Variants in GPHN observed in about 807,000 individuals in gnomAD.
The protein encoded by GPHN is gephyrin.
GPHN carries 17 observed loss-of-function variants against 95.5 expected under a neutral mutation model. The observed-to-expected ratio is 0.18, with a 90% CI of 0.12 to 0.27. GPHN has a LOEUF of 0.27. Ranked by LOEUF, GPHN falls within the 10% of genes least tolerant of loss-of-function variation. GPHN has a pLI of 1.00. For synonymous variants in GPHN, 320 were observed against 322.5 expected (o/e 0.99, Z 0.08); for missense variants, 660 against 978.1 (o/e 0.67, Z 4.34).
chr14:67,187,966 G>A, the GPHN span, among the ~76,000 whole-genome samples: 1 of 152,134 alleles, frequency 6.6e-6, no homozygotes, highest in Non-Finnish European at 1.5e-5. Context: ...TGAGTGCAGA[G>A]ACTGTTCACC....
intron 4 of GPHN, among the ~76,000 whole-genome samples, chr14:66,834,503 T>C (rs766010923): frequency 6.6e-6 from 1 of 152,158 alleles, no homozygotes; most frequent in Non-Finnish European, 1.5e-5. Context: ...TCTGCATGTA[T>C]TGAGATAATC....
chr14:67,360,865 A>C, the GPHN span: 1 of 152,146 alleles, frequency 6.6e-6, no homozygotes, highest in African/African-American at 2.4e-5. Context: ...CCGCCCCAAC[A>C]GCTCTACCAA....
At chr14:67,526,343 C>T in the GPHN span, among the ~76,000 whole-genome samples, 1 of 152,214 alleles carries the variant, frequency 6.6e-6, no homozygotes, top group East Asian at 1.9e-4. Context: ...CTTCCTGTCC[C>T]CTGCCCGTGT....
chr14:66,938,923 G>C (rs189930498), intron 8 of GPHN, among the ~76,000 whole-genome samples: 7 of 152,270 alleles, frequency 4.6e-5, no homozygotes, highest in Non-Finnish European at 1.0e-4. Flanking sequence ...TTTGACCAGG[G>C]AACCAAGACC....
At chr14:67,438,258 T>A in the GPHN span, among the ~76,000 whole-genome samples, 3 of 152,086 alleles carry the variant, frequency 2.0e-5, no homozygotes, top group Non-Finnish European at 4.4e-5. Flanking sequence ...GTCTAGAAGG[T>A]GGGGTGATCA....
chr14:66,827,866 G>A (rs1255646064), intron 4 of GPHN, among the ~76,000 whole-genome samples: 1 of 151,774 alleles, frequency 6.6e-6, no homozygotes, highest in African/African-American at 2.4e-5. Flanking sequence ...GGCACTACTA[G>A]TTGACAAGTG....
chr14:66,562,612 A>C (rs2060307827), intron 1 of GPHN, among the ~76,000 whole-genome samples: 1 of 152,132 alleles, frequency 6.6e-6, no homozygotes. Context: ...TTAACCAAAG[A>C]ATAATTTTGT....
the GPHN span, among the ~76,000 whole-genome samples, chr14:67,394,144 T>A: frequency 6.6e-6 from 1 of 152,152 alleles, no homozygotes; most frequent in Admixed American, 6.5e-5. Context: ...CAGACATTTC[T>A]TTTCTTCTCC....
At chr14:67,222,628 A>C in the GPHN span, among the ~76,000 whole-genome samples, 1 of 152,074 alleles carries the variant, frequency 6.6e-6, no homozygotes, top group African/African-American at 2.4e-5. Flanking sequence ...TTTTCTTTAT[A>C]TATTGCCATG....
At chr14:66,805,612 G>T (rs2060512901) in intron 3 of GPHN, among the ~76,000 whole-genome samples, 1 of 152,152 alleles carries the variant, frequency 6.6e-6, no homozygotes, top group South Asian at 2.1e-4. Flanking sequence ...TTCCAAATGG[G>T]GAAAATTGGC....
At chr14:67,315,853 A>G in the GPHN span, among the ~76,000 whole-genome samples, 2 of 152,236 alleles carry the variant, frequency 1.3e-5, no homozygotes, top group African/African-American at 4.8e-5. Context: ...TGAACCTGGA[A>G]GGCGGAGGTT....
At chr14:67,156,390 G>A (rs1411038478) in intron 18 of GPHN, among the ~76,000 whole-genome samples, 1 of 152,024 alleles carries the variant, frequency 6.6e-6, no homozygotes, top group Non-Finnish European at 1.5e-5. Flanking sequence ...AGGTAGAAAG[G>A]CATAAATTGA....
intron 18 of GPHN, among the ~76,000 whole-genome samples, chr14:67,159,098 G>A (rs1437387738): frequency 6.6e-6 from 1 of 152,122 alleles, no homozygotes; most frequent in Non-Finnish European, 1.5e-5. Context: ...TAATGTAGTT[G>A]TTTTGTTTTT....
At position 66,695,136 on chromosome 14, in the gene GPHN, G is replaced by C. The variant is rs990948296; in HGVS notation, c.143+13951G>C. Among the ~76,000 whole-genome samples the C allele has an allele frequency of 7.2e-5, 11 of 151,760 alleles. 1 individual carries two copies. In the South Asian group the frequency reaches 2.1e-3, roughly 29 times the overall value. On this transcript the variant is annotated intron_variant, in intron 2 of 22. Transcript: ENST00000478722. ...AACATGCCACACTGCACTGCAGCCT[G>C]GGCAACAGAGCAAGACTCTGTCTTA...
At chr14:67,544,760 G>C in the GPHN span, among the ~76,000 whole-genome samples, 8 of 152,214 alleles carry the variant, frequency 5.3e-5, no homozygotes, top group African/African-American at 1.4e-4. Flanking sequence ...TTAAACATCA[G>C]ATTAGGCACC....
At chr14:67,119,747 G>A (rs1236417788) in intron 16 of GPHN, among the ~76,000 whole-genome samples, 2 of 152,162 alleles carry the variant, frequency 1.3e-5, no homozygotes, top group Non-Finnish European at 2.9e-5. Flanking sequence ...CCGAGATCAC[G>A]CCATTGCACT....
the GPHN span, among the ~76,000 whole-genome samples, chr14:67,485,684 G>A: frequency 1.3e-5 from 2 of 152,236 alleles, no homozygotes; most frequent in African/African-American, 4.8e-5. Flanking sequence ...ACAGGCCTCT[G>A]GGGGTTGGGA....
chr14:66,760,875 G>C (rs1449634354), intron 2 of GPHN: 1 of 849,076 alleles, frequency 1.2e-6, no homozygotes, highest in Non-Finnish European at 1.9e-6. Flanking sequence ...TGAAGAAAAA[G>C]AGCGACAGAA....
intron 5 of GPHN, among the ~76,000 whole-genome samples, chr14:66,894,667 A>G (rs1231768996): frequency 6.6e-6 from 1 of 152,220 alleles, no homozygotes; most frequent in Non-Finnish European, 1.5e-5. Flanking sequence ...ATTTGCAAGA[A>G]AAAAACAACC....
Sources: allele counts gnomAD v4.1 joint callset (sites outside exome capture counted in the v4.1 genomes callset), GRCh38; gene constraint gnomAD v4.1.1; transcripts MANE v1.5; gene names NCBI Gene and HGNC (gene_info 2026-07-23, HGNC 2026-07-21).